The following CDH13 variants were observed in gnomAD, a reference collection of about 807,000 sequenced individuals.
CDH13 encodes cadherin-13.
In CDH13, 24 loss-of-function variants were observed where a neutral mutation model predicts 63.8. The ratio of observed to expected loss-of-function variants is 0.38; its 90% CI spans 0.27 to 0.53. The LOEUF (loss-of-function observed/expected upper bound fraction) is 0.53, where lower values mean the gene tolerates loss of function less well. Among genes scored for constraint, CDH13 ranks in the 20% least tolerant of loss-of-function variants. The pLI, the probability that CDH13 is intolerant of heterozygous loss-of-function variation, is 0.85. For synonymous variants in CDH13, 503 were observed against 355.3 expected (o/e 1.42, Z -4.67); for missense variants, 1,049 against 903.1 (o/e 1.16, Z -2.07).
intron 2 of CDH13, among the ~76,000 whole-genome samples, chr16:82,877,734 G>C (rs1329767485): frequency 6.6e-6 from 1 of 151,828 alleles, no homozygotes; most frequent in Admixed American, 6.6e-5. Flanking sequence ...CTCCTTTCCA[G>C]TCTGAAGAGC....
At chr16:83,487,320 A>T (rs906209650) in intron 7 of CDH13, among the ~76,000 whole-genome samples, 1 of 152,180 alleles carries the variant, frequency 6.6e-6, no homozygotes, top group Non-Finnish European at 1.5e-5. Context: ...TTTCTGTTTT[A>T]AAAATGCCAA....
intron 7 of CDH13, among the ~76,000 whole-genome samples, chr16:83,600,719 ACT>A (rs1472955162): frequency 1.3e-5 from 2 of 152,064 alleles, no homozygotes; most frequent in East Asian, 3.9e-4. Context: ...TTCAACTCGG[ACT>A]CTCTGTGTGA....
At chr16:83,252,102 T>C (rs1436151464) in intron 5 of CDH13, among the ~76,000 whole-genome samples, 3 of 24,616 alleles carry the variant, frequency 1.2e-4, no homozygotes, top group South Asian at 2.2e-3. Flanking sequence ...TGTATATATA[T>C]ATTATACACA....
intron 1 of CDH13, among the ~76,000 whole-genome samples, chr16:82,780,143 T>C (rs2035684511): frequency 6.6e-6 from 1 of 152,122 alleles, no homozygotes. Flanking sequence ...GCTCCCTTGT[T>C]GCTTGTAGGA....
chr16:82,890,411 CA>C (rs760769017), intron 2 of CDH13, among the ~76,000 whole-genome samples: 1 of 152,156 alleles, frequency 6.6e-6, no homozygotes, highest in Non-Finnish European at 1.5e-5. Flanking sequence ...ACTTAATGGT[CA>C]TTTCCAACCC....
At chr16:82,670,144 G>A (rs1597273980) in intron 1 of CDH13, among the ~76,000 whole-genome samples, 3 of 152,196 alleles carry the variant, frequency 2.0e-5, no homozygotes, top group South Asian at 4.1e-4. Flanking sequence ...CCACTCCAGT[G>A]CCTGAGAATT....
intron 1 of CDH13, among the ~76,000 whole-genome samples, chr16:82,683,799 T>G (rs1010415498): frequency 6.6e-6 from 1 of 152,238 alleles, no homozygotes; most frequent in Non-Finnish European, 1.5e-5. Context: ...TTGATGTGGA[T>G]GATATTTTTT....
chr16:82,872,962 A>T (rs1400471626), intron 2 of CDH13, among the ~76,000 whole-genome samples: 1 of 152,214 alleles, frequency 6.6e-6, no homozygotes, highest in Non-Finnish European at 1.5e-5. Flanking sequence ...CAAACATGAT[A>T]TAATAAACCC....
chr16:83,396,924 T>C (rs2091895361), intron 6 of CDH13, among the ~76,000 whole-genome samples: 1 of 152,136 alleles, frequency 6.6e-6, no homozygotes, highest in South Asian at 2.1e-4. Context: ...TTGTCCCAGG[T>C]TCCAGTTGAG....
At chr16:83,070,867 C>A (rs972307428) in intron 3 of CDH13, among the ~76,000 whole-genome samples, 1 of 140,226 alleles carries the variant, frequency 7.1e-6, no homozygotes, top group East Asian at 2.3e-4. Context: ...CCCCCCCCCC[C>A]CAAATATCAA....
chr16:83,089,920 A>G (rs1210014014), intron 3 of CDH13, among the ~76,000 whole-genome samples: 1 of 152,126 alleles, frequency 6.6e-6, no homozygotes, highest in African/African-American at 2.4e-5. Context: ...ACGACATCCT[A>G]AGAGATGCTC....
rs78684773 is a variant in CDH13, at chr16:82,895,049, G to C, written c.157+36576G>C. ...TGATGTTTTCCTTCTTCCTGTCAAG[G>C]TGAAATTTATATGACGTAGAATCAC... On this transcript the variant is annotated intron_variant, in intron 2 of 13. Coordinates refer to ENST00000567109, the MANE Select transcript of CDH13 (RefSeq NM_001257.5). 9.2e-5 allele frequency among the ~76,000 whole-genome samples: 14 copies of C among 152,298 alleles called. No individual in the cohort carries two copies. In the East Asian group the frequency reaches 2.7e-3, roughly 29 times the overall value.
At chr16:82,702,750 C>G (rs2031150344) in intron 1 of CDH13, among the ~76,000 whole-genome samples, 1 of 152,132 alleles carries the variant, frequency 6.6e-6, no homozygotes, top group East Asian at 1.9e-4. Context: ...AAGCTTCTTC[C>G]TGACTGATGG....
chr16:83,526,359 G>A (rs1306935599), intron 7 of CDH13, among the ~76,000 whole-genome samples: 5 of 152,136 alleles, frequency 3.3e-5, no homozygotes, highest in South Asian at 2.1e-4. Context: ...CCAGTTTCAT[G>A]GAAGACAATT....
intron 5 of CDH13, among the ~76,000 whole-genome samples, chr16:83,299,366 A>C (rs887294402): frequency 6.6e-6 from 1 of 151,928 alleles, no homozygotes; most frequent in African/African-American, 2.4e-5. Flanking sequence ...ACCTTACCTT[A>C]AACTTTCTGG....
At chr16:83,496,459 G>A (rs1442112907) in intron 7 of CDH13, among the ~76,000 whole-genome samples, 1 of 151,554 alleles carries the variant, frequency 6.6e-6, no homozygotes, top group East Asian at 1.9e-4. Context: ...CTAGCCATAT[G>A]TAGAAAGCTG....
chr16:83,580,250 A>G (rs1905437767), intron 7 of CDH13, among the ~76,000 whole-genome samples: 1 of 152,084 alleles, frequency 6.6e-6, no homozygotes, highest in African/African-American at 2.4e-5. Context: ...GCGTGAGGTG[A>G]TGCTATGGAA....
chr16:82,984,991 C>A (rs556615300), intron 2 of CDH13, among the ~76,000 whole-genome samples: 82 of 152,292 alleles, frequency 5.4e-4, no homozygotes, highest in South Asian at 2.5e-3. Context: ...CATGCCCTCT[C>A]CTTTTTGTGC....
intron 3 of CDH13, among the ~76,000 whole-genome samples, chr16:83,108,724 G>C (rs903716848): frequency 1.3e-5 from 2 of 152,170 alleles, no homozygotes; most frequent in African/African-American, 2.4e-5. Flanking sequence ...TCTCTTGTCT[G>C]TATCACTTAG....
Sources: gnomAD v4.1 joint callset for allele counts (sites outside exome capture counted in the v4.1 genomes callset) on GRCh38, gnomAD v4.1.1 for gene constraint, MANE v1.5 for transcripts, NCBI Gene and HGNC (gene_info 2026-07-23, HGNC 2026-07-21) for gene names.